Variants in TENM2 observed in about 807,000 individuals in gnomAD.
TENM2 encodes teneurin transmembrane protein 2.
A neutral mutation model predicts 245.2 loss-of-function variants in TENM2; 52 were observed. The ratio of observed to expected loss-of-function variants is 0.21; its 90% CI spans 0.17 to 0.27. The LOEUF (loss-of-function observed/expected upper bound fraction) is 0.27. TENM2 is among the 10% of genes least tolerant of loss of function. The pLI, the probability that TENM2 is intolerant of heterozygous loss-of-function variation, is 1.00. For missense variants in TENM2, 3,046 were observed against 3,666.8 expected (o/e 0.83, Z 4.37); for synonymous variants, 1,363 against 1,438.9 (o/e 0.95, Z 1.19).
At chr5:167,638,041 G>A (rs1456283467) in intron 2 of TENM2, among the ~76,000 whole-genome samples, 1 of 150,576 alleles carries the variant, frequency 6.6e-6, no homozygotes, top group African/African-American at 2.4e-5. Context: ...GAATACAAAG[G>A]CCAGATTATA....
chr5:167,711,794 T>C (rs1157364581), intron 2 of TENM2, among the ~76,000 whole-genome samples: 3 of 152,212 alleles, frequency 2.0e-5, no homozygotes, highest in African/African-American at 4.8e-5. Context: ...GTCATGCAAG[T>C]TGAGGTCTCT....
At chr5:167,479,876 C>A (rs1767649594) in intron 2 of TENM2, among the ~76,000 whole-genome samples, 1 of 152,118 alleles carries the variant, frequency 6.6e-6, no homozygotes, top group South Asian at 2.1e-4. Context: ...AGAATCGTGT[C>A]TAGGGAGTGG....
chr5:167,000,873 A>T, the TENM2 span, among the ~76,000 whole-genome samples: 3 of 152,108 alleles, frequency 2.0e-5, no homozygotes, highest in African/African-American at 7.2e-5. Flanking sequence ...TTATGTAAAA[A>T]CCTTCTGGCC....
chr5:168,044,727 A>G (rs963994514), intron 5 of TENM2, among the ~76,000 whole-genome samples: 1 of 152,070 alleles, frequency 6.6e-6, no homozygotes, highest in African/African-American at 2.4e-5. Context: ...GTAAAGGGAG[A>G]GATTGATTGA....
chr5:168,033,845 G>A (rs946574980), intron 5 of TENM2, among the ~76,000 whole-genome samples: 21 of 151,756 alleles, frequency 1.4e-4, no homozygotes, highest in African/African-American at 5.1e-4. Flanking sequence ...TGACCAACAT[G>A]GTGAAACCCC....
chr5:167,116,529 C>T, the TENM2 span: 1 of 152,178 alleles, frequency 6.6e-6, no homozygotes, highest in East Asian at 1.9e-4. Context: ...ATCCGTTGAG[C>T]TGGTGCTTTG....
At chr5:168,086,124 G>A (rs1007430010) in intron 7 of TENM2, among the ~76,000 whole-genome samples, 7 of 152,186 alleles carry the variant, frequency 4.6e-5, no homozygotes, top group Admixed American at 2.6e-4. Context: ...CTCTCTGGCA[G>A]GTGTGTATCA....
the TENM2 span, among the ~76,000 whole-genome samples, chr5:166,984,881 A>G: frequency 6.6e-6 from 1 of 152,176 alleles, no homozygotes; most frequent in African/African-American, 2.4e-5. Context: ...CACTTAGAAG[A>G]AACATAAGCA....
chr5:168,160,186 T>C (rs761830645), intron 12 of TENM2, among the ~76,000 whole-genome samples: 7 of 152,218 alleles, frequency 4.6e-5, no homozygotes, highest in African/African-American at 7.2e-5. Context: ...GTTGGAGAAA[T>C]TCTCTTTTCC....
At chr5:167,678,360 T>C (rs936258721) in intron 2 of TENM2, among the ~76,000 whole-genome samples, 1 of 152,122 alleles carries the variant, frequency 6.6e-6, no homozygotes, top group African/African-American at 2.4e-5. Flanking sequence ...AATAAGCCAT[T>C]AAAAAGGATT....
At chr5:168,022,403 G>A (rs1464044826) in intron 5 of TENM2, among the ~76,000 whole-genome samples, 4 of 152,228 alleles carry the variant, frequency 2.6e-5, no homozygotes, top group Non-Finnish European at 2.9e-5. Flanking sequence ...AGTTTTCAAC[G>A]AGTGCCAAGC....
chr5:168,040,750 A>G (rs777050373), intron 5 of TENM2, among the ~76,000 whole-genome samples: 1 of 152,194 alleles, frequency 6.6e-6, no homozygotes, highest in African/African-American at 2.4e-5. Context: ...AAATAATAAT[A>G]CATTGCAGTG....
intron 14 of TENM2, among the ~76,000 whole-genome samples, chr5:168,191,106 C>T (rs1760915913): frequency 6.6e-6 from 1 of 152,170 alleles, no homozygotes; most frequent in Non-Finnish European, 1.5e-5. Flanking sequence ...TTACCTATTG[C>T]ATGCAAGCCA....
At chr5:167,312,206 T>C (rs1251058627) in intron 1 of TENM2, among the ~76,000 whole-genome samples, 1 of 152,232 alleles carries the variant, frequency 6.6e-6, no homozygotes, top group Admixed American at 6.5e-5. Context: ...CAATAAAACA[T>C]GTACTTATAT....
In TENM2 at chr5:168,199,251, C is replaced by A; in HGVS notation, c.3162+137C>A. Reference sequence around the variant, plus strand: ...AGTGGGAGCATAATAAAATTTATAGCCACCAGAGATGAAAGTTTGAATCCC... The same window carrying A: ...AGTGGGAGCATAATAAAATTTATAGACACCAGAGATGAAAGTTTGAATCCC... On this transcript the variant is annotated intron_variant, in intron 16 of 28. Coordinates refer to ENST00000518659, the Ensembl canonical transcript of TENM2. 3 of 934,100 alleles carry A rather than the reference C, an allele frequency of 3.2e-6. No individual in the cohort carries two copies. The Admixed American group carries it at 8.5e-5, about 27-fold the overall frequency. 57.9% of individuals were successfully genotyped at this position (934,100 alleles called of 1,614,324 possible). A position where few individuals can be genotyped will look rare whatever the true frequency, so the allele number is the denominator to read the frequency against.
intron 2 of TENM2, among the ~76,000 whole-genome samples, chr5:167,668,764 G>A (rs1279359584): frequency 6.6e-6 from 1 of 152,072 alleles, no homozygotes; most frequent in East Asian, 1.9e-4. Flanking sequence ...AAACCAGCCT[G>A]GGCAACATGG....
intron 2 of TENM2, among the ~76,000 whole-genome samples, chr5:167,480,188 C>T (rs537232516): frequency 3.2e-4 from 49 of 152,304 alleles, no homozygotes; most frequent in South Asian, 1.4e-3. Flanking sequence ...TCTTTTCCAT[C>T]CCAGCCTAAG....
intron 2 of TENM2, among the ~76,000 whole-genome samples, chr5:167,463,802 A>T (rs1450003821): frequency 6.6e-6 from 1 of 152,170 alleles, no homozygotes; most frequent in Non-Finnish European, 1.5e-5. Flanking sequence ...AGCCGAAGAT[A>T]TTTAATGTTA....
chr5:168,231,303 GAGGAGCTGGAATC>G (rs1764873139), intron 25 of TENM2, among the ~76,000 whole-genome samples: 1 of 152,250 alleles, frequency 6.6e-6, no homozygotes, highest in East Asian at 1.9e-4. Context: ...GGGCTTCACA[GAGGAGCTGGAATC>G]ATTTCTGTAG....
Sources: gnomAD v4.1 joint callset for allele counts (sites outside exome capture counted in the v4.1 genomes callset) on GRCh38, gnomAD v4.1.1 for gene constraint, MANE v1.5 for transcripts, NCBI Gene and HGNC (gene_info 2026-07-23, HGNC 2026-07-21) for gene names.